PCAT7: variants seen among roughly 807,000 people sequenced by gnomAD.
The protein encoded by PCAT7 is prostate cancer associated transcript 7, also known as prostate cancer associated transcript 7 (non-protein coding).
intron 2 of PCAT7, chr9:94,571,494 C>T (rs536762747): frequency 6.2e-7 from 1 of 1,613,836 alleles, no homozygotes; most frequent in Non-Finnish European, 8.5e-7. Context: ...ACGCCTTGCC[C>T]TGTGGAGAGA....
intron 2 of PCAT7, chr9:94,568,231 GA>G (rs1214352051): frequency 1.3e-5 from 2 of 152,128 alleles, no homozygotes; most frequent in Non-Finnish European, 2.9e-5. Flanking sequence ...GAGAAAAGAG[GA>G]AGCCGCTTTC....
At chr9:94,568,591 C>T (rs1396715712) in intron 2 of PCAT7, 1 of 152,108 alleles carries the variant, frequency 6.6e-6, no homozygotes, top group African/African-American at 2.4e-5. Flanking sequence ...CCAGAAGGTT[C>T]CCAAGGAACA....
intron 2 of PCAT7, chr9:94,569,674 C>T (rs984454139): frequency 2.0e-5 from 3 of 152,170 alleles, no homozygotes; most frequent in Non-Finnish European, 4.4e-5. Context: ...CACCCTGTTA[C>T]CGATTATCAG....
At chr9:94,558,915 G>A in intron 1 of PCAT7, 1 of 1,611,346 alleles carries the variant, frequency 6.2e-7, no homozygotes, top group Non-Finnish European at 8.5e-7. Context: ...ACAAACAGAA[G>A]AGGGCATGTG....
At chr9:94,560,160 T>C (rs957309933) in intron 2 of PCAT7, among the ~76,000 whole-genome samples, 2 of 152,170 alleles carry the variant, frequency 1.3e-5, no homozygotes, top group Non-Finnish European at 2.9e-5. Context: ...GGCCACTGTT[T>C]CCTGCACGAG....
chr9:94,558,683 G>T (rs1827045537), intron 1 of PCAT7: 1 of 435,372 alleles, frequency 2.3e-6, no homozygotes, highest in Non-Finnish European at 4.2e-6. Flanking sequence ...AACCATATTT[G>T]CCACTGTTTC....
exon 2 of PCAT7, chr9:94,559,106 G>C (rs201610582): frequency 1.9e-6 from 3 of 1,613,154 alleles, no homozygotes; most frequent in Admixed American, 3.3e-5. Context: ...TGTAGGCCAC[G>C]GGATTGCATT....
At chr9:94,564,190 TCA>T (rs1000358440) in intron 2 of PCAT7, among the ~76,000 whole-genome samples, 1 of 152,178 alleles carries the variant, frequency 6.6e-6, no homozygotes, top group South Asian at 2.1e-4. Flanking sequence ...ATTCTTCTCA[TCA>T]CACACAGCAC....
At chr9:94,563,380 A>T (rs748065702) in intron 2 of PCAT7, 1 of 1,614,028 alleles carries the variant, frequency 6.2e-7, no homozygotes, top group Non-Finnish European at 8.5e-7. Context: ...GGGTACAGGA[A>T]GATTCCTCCA....
intron 2 of PCAT7, chr9:94,570,516 T>G (rs771285107): frequency 6.6e-6 from 1 of 152,184 alleles, no homozygotes; most frequent in Non-Finnish European, 1.5e-5. Flanking sequence ...TCCTACCACT[T>G]ACGAAGAATT....
At chr9:94,555,127 T>G (rs1564176345) in exon 1 of PCAT7, 1 of 150,804 alleles carries the variant, frequency 6.6e-6, no homozygotes, top group African/African-American at 2.5e-5. Flanking sequence ...TTTTTGTTGT[T>G]GTTTTTTTTG....
intron 2 of PCAT7, among the ~76,000 whole-genome samples, chr9:94,566,506 A>G (rs1314435332): frequency 3.9e-5 from 6 of 152,230 alleles, no homozygotes; most frequent in Non-Finnish European, 7.3e-5. Context: ...AGTTAATCGA[A>G]TATCTATAGA....
chr9:94,558,879 T>C, intron 1 of PCAT7: 1 of 1,498,672 alleles, frequency 6.7e-7, no homozygotes. Flanking sequence ...TTATCGTTCA[T>C]TTAGGGTCCT....
chr9:94,574,244 T>C (rs751577567), intron 3 of PCAT7, among the ~76,000 whole-genome samples: 9 of 152,124 alleles, frequency 5.9e-5, no homozygotes, highest in Non-Finnish European at 1.2e-4. Flanking sequence ...TATTGAAAAA[T>C]TGTCCTCCAG....
upstream of PCAT7, among the ~76,000 whole-genome samples, chr9:94,554,771 G>C (rs1225414015): frequency 1.3e-5 from 2 of 152,066 alleles, no homozygotes; most frequent in Non-Finnish European, 2.9e-5. Context: ...CAGGGAGGGA[G>C]TGCCCCAGGC....
intron 2 of PCAT7, chr9:94,568,330 C>T (rs558163370): frequency 6.6e-6 from 1 of 152,040 alleles, no homozygotes; most frequent in Admixed American, 6.6e-5. Flanking sequence ...GTGCCCAGTC[C>T]CTCTCCACAA....
At chr9:94,557,318 A>G (rs1827026396) in intron 1 of PCAT7, among the ~76,000 whole-genome samples, 1 of 152,228 alleles carries the variant, frequency 6.6e-6, no homozygotes, top group Non-Finnish European at 1.5e-5. Flanking sequence ...ATTGGGTGAT[A>G]TAGATATTTT....
chr9:94,555,323 A>C (rs1826992152), intron 1 of PCAT7: 1 of 151,932 alleles, frequency 6.6e-6, no homozygotes, highest in African/African-American at 2.4e-5. Context: ...AGGAAGAAGA[A>C]GATAGTTTTG....
intron 2 of PCAT7, chr9:94,569,633 C>A (rs796748255): frequency 3.9e-5 from 6 of 152,308 alleles, no homozygotes; most frequent in African/African-American, 1.4e-4. Context: ...TGGTCACCAA[C>A]AACGGCTGAT....
Sources: allele counts gnomAD v4.1 joint callset (sites outside exome capture counted in the v4.1 genomes callset), GRCh38; gene constraint gnomAD v4.1.1; transcripts MANE v1.5; gene names NCBI Gene and HGNC (gene_info 2026-07-23, HGNC 2026-07-21).